The following CYP2C19 variants were observed in gnomAD, a reference collection of about 807,000 sequenced individuals.
The protein encoded by CYP2C19 is cytochrome P450 family 2 subfamily C member 19, also known as cytochrome P450 2C19.
Under a neutral mutation model 40.9 loss-of-function variants are expected in CYP2C19, and 59 were observed. That is an observed-to-expected ratio of 1.44 (90% CI 1.17 to 1.79). The LOEUF (loss-of-function observed/expected upper bound fraction) is 1.79, where lower values mean the gene tolerates loss of function less well. Among genes scored for constraint, CYP2C19 ranks in the 40% most tolerant of loss-of-function variants. The pLI is 0.00. For missense variants in CYP2C19, 754 were observed against 596.9 expected, an observed-to-expected ratio of 1.26 and a Z score of -2.74; for synonymous variants, 253 against 208.7, an observed-to-expected ratio of 1.21 and a Z score of -1.83.
chr10:94,843,637 C>G (rs1446628567), intron 7 of CYP2C19, among the ~76,000 whole-genome samples: 1 of 152,172 alleles, frequency 6.6e-6, no homozygotes, highest in African/African-American at 2.4e-5. Flanking sequence ...GCTAAATTTA[C>G]TAATCACTAT....
rs192135113 is a variant in CYP2C19 at position 94,820,679 on chromosome 10, T to C, written c.961+42T>C. ...TGAGTTAATTGAGTTTTAGGAAAGA[T>C]GTTGGGAAGGTGCTGCTAGTGTTCT... On this transcript the variant is annotated intron_variant, in intron 6 of 8. Transcript: ENST00000371321. The C allele has an allele frequency of 3.1e-6, 5 of 1,613,074 alleles. No homozygotes were observed. In the Admixed American group the frequency reaches 5.0e-5, roughly 16 times the overall value.
intron 5 of CYP2C19, among the ~76,000 whole-genome samples, chr10:94,789,319 C>A (rs549157899): frequency 2.0e-5 from 3 of 151,878 alleles, no homozygotes; most frequent in African/African-American, 7.3e-5. Flanking sequence ...ACGATAGTTT[C>A]TTTTGCTCTG....
Position 94,796,502 on chromosome 10 carries a change from T to C in CYP2C19, c.819+14505T>C, listed in dbSNP as rs114877389. Among the ~76,000 whole-genome samples the C allele has an allele frequency of 4.7e-3, 711 of 152,304 alleles. 3 individuals carry two copies. The highest frequency in any genetic ancestry group is 0.017 in the African/African-American group (688 of 41,570). ...GGCTCTTTTTTATTTCCACAAGATC[T>C]TTAAAGTAGCTTTTTCCAATTCTGT... On this transcript the variant is annotated intron_variant, in intron 5 of 8. Transcript: ENST00000371321.
At chr10:94,792,721 C>A (rs528826986) in intron 5 of CYP2C19, among the ~76,000 whole-genome samples, 1 of 152,282 alleles carries the variant, frequency 6.6e-6, no homozygotes, top group African/African-American at 2.4e-5. Flanking sequence ...GCTGAGAGAT[C>A]CGCTGTTAGT....
At chr10:94,840,968 A>T (rs1029732085) in intron 6 of CYP2C19, among the ~76,000 whole-genome samples, 1 of 152,214 alleles carries the variant, frequency 6.6e-6, no homozygotes, top group Non-Finnish European at 1.5e-5. Flanking sequence ...AAGTGGTCCA[A>T]TATTACCGCT....
At chr10:94,839,728 A>G (rs117282042) in intron 6 of CYP2C19, among the ~76,000 whole-genome samples, 1,541 of 152,294 alleles carry the variant, frequency 0.01, 18 homozygotes, top group Non-Finnish European at 0.018. Context: ...TGCTTCCACA[A>G]GAGTCTCTGT....
chr10:94,768,619 C>T (rs1261574699), intron 1 of CYP2C19, among the ~76,000 whole-genome samples: 1 of 152,144 alleles, frequency 6.6e-6, no homozygotes, highest in Non-Finnish European at 1.5e-5. Flanking sequence ...GTAGTCCAGA[C>T]AGTGAGATCC....
intron 5 of CYP2C19, among the ~76,000 whole-genome samples, chr10:94,794,389 C>A (rs1848653568): frequency 6.6e-6 from 1 of 152,122 alleles, no homozygotes; most frequent in African/African-American, 2.4e-5. Context: ...GTGAGATGAA[C>A]CCAGTGCCTC....
intron 8 of CYP2C19, among the ~76,000 whole-genome samples, chr10:94,851,143 C>T (rs1849647648): frequency 6.6e-6 from 1 of 152,030 alleles, no homozygotes; most frequent in African/African-American, 2.4e-5. Context: ...CTCACAGTTC[C>T]ACAGGCTGTA....
At chr10:94,832,958 A>G (rs1031732833) in intron 6 of CYP2C19, among the ~76,000 whole-genome samples, 7 of 152,190 alleles carry the variant, frequency 4.6e-5, no homozygotes, top group Admixed American at 2.6e-4. Flanking sequence ...TATAGTTTTC[A>G]TTACAGAGAT....
At chr10:94,804,590 C>A (rs1360191744) in intron 5 of CYP2C19, among the ~76,000 whole-genome samples, 1 of 152,190 alleles carries the variant, frequency 6.6e-6, no homozygotes, top group Non-Finnish European at 1.5e-5. Context: ...TTAGAATAAA[C>A]AAAGTGCTCT....
Position 94,853,025 on chromosome 10 carries a change from C to T in CYP2C19, c.*111C>T, listed in dbSNP as rs764867845. Reference sequence around the variant, plus strand: ...TCTGACCCGTCATCTCACATTTTCCCTTCCCCCAAGATCTAGTGAACATTC... The same window carrying T: ...TCTGACCCGTCATCTCACATTTTCCTTTCCCCCAAGATCTAGTGAACATTC... On this transcript the variant is annotated 3_prime_UTR_variant, in exon 9 of 9. Coordinates refer to ENST00000371321, the MANE Select transcript of CYP2C19 (RefSeq NM_000769.4). 47 of 1,222,026 alleles carry T rather than the reference C, an allele frequency of 3.8e-5. No homozygotes were observed. Among genetic ancestry groups the T allele is most frequent in the Non-Finnish European group, 5.3e-5 (46 of 868,406 alleles). 75.7% of individuals were successfully genotyped at this position (1,222,026 alleles called of 1,614,324 possible).
chr10:94,811,820 A>G (rs1163541381), intron 5 of CYP2C19, among the ~76,000 whole-genome samples: 1 of 151,332 alleles, frequency 6.6e-6, no homozygotes, highest in Non-Finnish European at 1.5e-5. Context: ...ATGGGTCTTG[A>G]CTCTATCCAA....
intron 1 of CYP2C19, 68 bp downstream of exon 1, chr10:94,762,941 A>T (rs1310392630): frequency 4.1e-6 from 6 of 1,457,704 alleles, no homozygotes; most frequent in African/African-American, 2.8e-5. Flanking sequence ...AATAAAGTAT[A>T]TCCCTAGAGG....
Position 94,797,052 on chromosome 10 carries a change from G to T in CYP2C19, c.819+15055G>T, listed in dbSNP as rs145597907. On this transcript the variant is annotated intron_variant, in intron 5 of 8. Coordinates refer to ENST00000371321, the MANE Select transcript of CYP2C19 (RefSeq NM_000769.4). ...CGTTGAATAGGAGTGGTGAGAGAGG[G>T]CATCCCTGACTTGTGCCAGTTTTCA... Among the ~76,000 whole-genome samples, 3 of 152,084 alleles carry T rather than the reference G, an allele frequency of 2.0e-5. No homozygotes were observed. In the East Asian group the frequency reaches 5.8e-4, roughly 29 times the overall value.
chr10:94,816,826 G>C (rs1193046450), intron 5 of CYP2C19, among the ~76,000 whole-genome samples: 104 of 149,244 alleles, frequency 7.0e-4, no homozygotes, highest in Non-Finnish European at 1.2e-3. Flanking sequence ...AGAATATACG[G>C]TGTTTGGTTT....
At chr10:94,822,494 T>C (rs1050296109) in intron 6 of CYP2C19, among the ~76,000 whole-genome samples, 2 of 152,186 alleles carry the variant, frequency 1.3e-5, no homozygotes, top group African/African-American at 2.4e-5. Context: ...CTTAAGTTGA[T>C]TCCATTTTTT....
At position 94,854,424 on chromosome 10, in the gene CYP2C19, A is replaced by G. The variant is rs2134296519; in HGVS notation, c.*1510A>G. ...GATGATAATTTTATGCTATTGTCCT[A>G]ATATAATTAGCCTCATGTCATCTCC... On this transcript the variant is annotated 3_prime_UTR_variant, in exon 9 of 9. Transcript: ENST00000371321. Among the ~76,000 whole-genome samples, 1 of 152,206 alleles carries G rather than the reference A, an allele frequency of 6.6e-6. No individual in the cohort carries two copies. The highest frequency in any genetic ancestry group is 2.4e-5 in the African/African-American group (1 of 41,528).
intron 6 of CYP2C19, among the ~76,000 whole-genome samples, chr10:94,821,508 G>A (rs570811121): frequency 2.0e-5 from 3 of 152,228 alleles, no homozygotes; most frequent in Admixed American, 6.5e-5. Context: ...TACTAAAAGA[G>A]GTACCTAAAG....
Sources: allele counts gnomAD v4.1 joint callset (sites outside exome capture counted in the v4.1 genomes callset), GRCh38; gene constraint gnomAD v4.1.1; transcripts MANE v1.5; gene names NCBI Gene and HGNC (gene_info 2026-07-23, HGNC 2026-07-21).